MAP3K10: variants seen among roughly 807,000 people sequenced by gnomAD.
MAP3K10 encodes the protein MKN28 derived nonreceptor_type serine/threonine kinase.
In MAP3K10, 22 loss-of-function variants were observed where a neutral mutation model predicts 75.0. The ratio of observed to expected loss-of-function variants is 0.29; its 90% CI spans 0.21 to 0.42. MAP3K10 has a LOEUF of 0.42. Among genes scored for constraint, MAP3K10 ranks in the 10% least tolerant of loss-of-function variants. The pLI, the probability that MAP3K10 is intolerant of heterozygous loss-of-function variation, is 1.00. For missense variants in MAP3K10, 1,165 were observed against 1,379.8 expected, an observed-to-expected ratio of 0.84 and a Z score of 2.47; for synonymous variants, 599 against 612.9, an observed-to-expected ratio of 0.98 and a Z score of 0.34.
At position 40,213,571 on chromosome 19, in the gene MAP3K10, C is replaced by T. The variant is rs1973281373; in HGVS notation, c.1892C>T (p.Ser631Leu). The T allele has an allele frequency of 5.6e-6, 9 of 1,610,348 alleles. 1 individual carries two copies. Among genetic ancestry groups the T allele is most frequent in the South Asian group, 1.1e-5 (1 of 90,902 alleles). ...GGSSVPPSPY[S>L]TPSYLSVPLP... ...AGCAGCGTGCCCCCTTCCCCCTACTCGACCCCGTCCTACCTCTCAGTGCCA... is the reference window on the plus strand; with the variant it reads ...AGCAGCGTGCCCCCTTCCCCCTACTTGACCCCGTCCTACCTCTCAGTGCCA... Residue 631 changes from serine (S) to leucine (L), a missense_variant, in exon 9 of 10, where the codon TCG (serine) becomes TTG (leucine). By Grantham distance (145) the Ser-to-Leu change is moderately radical (BLOSUM62 -2). Coordinates refer to ENST00000253055, the MANE Select transcript of MAP3K10 (RefSeq NM_002446.4). The surrounding 1 kb of genome is among the most constrained non-coding windows in gnomAD (Gnocchi z 5.7).
In MAP3K10 at chr19:40,192,257, G is replaced by T. The variant is rs1972831562; in HGVS notation, c.226G>T (p.Val76Leu). The change falls in exon 1 of 10, where the codon GTG (valine) becomes TTG (leucine). Residue 76 changes from valine to leucine, a missense_variant. By Grantham distance (32) the Val-to-Leu change is conservative. Transcript: ENST00000253055. The surrounding 1 kb of genome is among the most constrained non-coding windows in gnomAD (Gnocchi z 7.1). ...GRVGVFPSNY[V>L]APGAPAAPAG... ...CGTGGGCGTCTTCCCCAGCAACTAC[G>T]TGGCCCCCGGCGCCCCCGCTGCACC... The T allele has an allele frequency of 6.2e-7, 1 of 1,602,494 alleles. No homozygotes were observed. Among genetic ancestry groups the T allele is most frequent in the Non-Finnish European group, 8.5e-7 (1 of 1,176,232 alleles).
chr19:40,194,702 C>T (rs564855367), intron 1 of MAP3K10, among the ~76,000 whole-genome samples: 5 of 152,282 alleles, frequency 3.3e-5, no homozygotes, highest in Non-Finnish European at 5.9e-5. Flanking sequence ...CCCTAAGGAG[C>T]GCCTCATCTG....
At chr19:40,209,824 T>C (rs1257018331) in intron 6 of MAP3K10, among the ~76,000 whole-genome samples, 1 of 152,092 alleles carries the variant, frequency 6.6e-6, no homozygotes, top group Non-Finnish European at 1.5e-5. Flanking sequence ...ACAGCATATG[T>C]TTAGATATAT....
chr19:40,205,905 T>A lies in MAP3K10; in HGVS notation c.1189-6T>A. The A allele has an allele frequency of 6.5e-7, 1 of 1,542,782 alleles. No individual in the cohort carries two copies. Among genetic ancestry groups the A allele is most frequent in the East Asian group, 2.4e-5 (1 of 42,234 alleles). On this transcript the variant is annotated splice_polypyrimidine_tract_variant and splice_region_variant and intron_variant, in intron 4 of 9. Transcript: ENST00000253055. This position sits in a 1 kb window ranked among gnomAD's most constrained non-coding sequence, Gnocchi z 4.3. ...CCTCCCCCCAGCCACCGCCTCTCCTTCCCAGGAGCTTCGGAGCCGTGAGGA... is the reference window on the plus strand; with the variant it reads ...CCTCCCCCCAGCCACCGCCTCTCCTACCCAGGAGCTTCGGAGCCGTGAGGA...
chr19:40,214,588 G>A (rs1000744783), intron 9 of MAP3K10, among the ~76,000 whole-genome samples: 3 of 152,186 alleles, frequency 2.0e-5, no homozygotes, highest in Non-Finnish European at 4.4e-5. Flanking sequence ...CTTGTTTTAA[G>A]TTATGGTTAT....
chr19:40,192,978 G>A lies in MAP3K10; in HGVS notation c.682+265G>A, dbSNP rs757674184. ...TAAACATGTATCCATGAACACCTGC[G>A]TTCCCTGCATGAACAGGACAGATGC... On this transcript the variant is annotated intron_variant, in intron 1 of 9. Coordinates refer to ENST00000253055, the MANE Select transcript of MAP3K10 (RefSeq NM_002446.4). This position sits in a 1 kb window ranked among gnomAD's most constrained non-coding sequence, Gnocchi z 7.1. 1.8e-4 allele frequency among the ~76,000 whole-genome samples: 28 copies of A among 152,164 alleles called. No homozygotes were observed. Among genetic ancestry groups the A allele is most frequent in the Admixed American group, 5.2e-4 (8 of 15,272 alleles).
chr19:40,199,458 T>A (rs997854309), intron 2 of MAP3K10, among the ~76,000 whole-genome samples: 35 of 152,306 alleles, frequency 2.3e-4, no homozygotes, highest in African/African-American at 8.4e-4. Context: ...GAAATGATAC[T>A]TCATCTGAGT....
intron 2 of MAP3K10, among the ~76,000 whole-genome samples, chr19:40,202,682 C>G (rs1973048182): frequency 6.6e-6 from 1 of 152,176 alleles, no homozygotes; most frequent in African/African-American, 2.4e-5. Flanking sequence ...CTCTCACTCT[C>G]CCACGCAGGC....
At position 40,213,313 on chromosome 19, in the gene MAP3K10, ATGG is replaced by A; in HGVS notation, c.1837+129_1837+131del. ...GTGGAAGGCCTTCCTGGGAAGGGAGATGGTGGCCCCTGGGGCGTGGGGGGTCAT... is the reference window on the plus strand; with the variant it reads ...GTGGAAGGCCTTCCTGGGAAGGGAGATGGCCCCTGGGGCGTGGGGGGTCAT... On this transcript the variant is annotated intron_variant, in intron 8 of 9. Coordinates refer to ENST00000253055, the MANE Select transcript of MAP3K10 (RefSeq NM_002446.4). The surrounding 1 kb of genome is among the most constrained non-coding windows in gnomAD (Gnocchi z 5.7). 6.9e-7 allele frequency: 1 copy of A among 1,449,966 alleles called. No individual in the cohort carries two copies. The highest frequency in any genetic ancestry group is 2.7e-5 in the Admixed American group (1 of 37,674). The allele number at this position is 1,449,966 out of a possible 1,614,324, so 89.8% of individuals were successfully genotyped here.
In MAP3K10 at chr19:40,192,062, G is replaced by T; in HGVS notation, c.31G>T (p.Glu11Ter). The T allele has an allele frequency of 6.8e-7, 1 of 1,469,890 alleles. No individual in the cohort carries two copies. 91.1% of individuals were successfully genotyped at this position (1,469,890 alleles called of 1,614,324 possible). Residue 11 changes from glutamate to a stop codon, truncating the protein, a stop_gained, in exon 1 of 10, where the codon GAG (glutamate) becomes TAG (stop). Coordinates refer to ENST00000253055, the MANE Select transcript of MAP3K10 (RefSeq NM_002446.4). LOFTEE classifies it high-confidence loss of function. This position sits in a 1 kb window ranked among gnomAD's most constrained non-coding sequence, Gnocchi z 7.1. MEEEEGAVAKEWGTTPAGPVW... is the reference protein window; with the variant it reads MEEEEGAVAK ...GGAGGAGGAGGGGGCGGTGGCCAAGGAGTGGGGCACGACCCCCGCGGGGCC... is the reference window on the plus strand; with the variant it reads ...GGAGGAGGAGGGGGCGGTGGCCAAGTAGTGGGGCACGACCCCCGCGGGGCC...
chr19:40,208,641 C>A (rs1177707729), intron 5 of MAP3K10, among the ~76,000 whole-genome samples: 4 of 149,460 alleles, frequency 2.7e-5, no homozygotes, highest in Non-Finnish European at 5.9e-5. Flanking sequence ...AGTTCAAGAC[C>A]AGCCTGGTCA....
intron 2 of MAP3K10, among the ~76,000 whole-genome samples, chr19:40,200,086 G>C (rs1246288549): frequency 6.6e-6 from 1 of 152,152 alleles, no homozygotes; most frequent in Non-Finnish European, 1.5e-5. Context: ...CTTGAGGCCA[G>C]GAGTTCATTC....
chr19:40,214,357 C>G, intron 9 of MAP3K10, 136 bp downstream of exon 9: 1 of 1,096,934 alleles, frequency 9.1e-7, no homozygotes, highest in Non-Finnish European at 1.2e-6. Flanking sequence ...GTCTGTGTCC[C>G]TTTACCGCTC....
chr19:40,191,525 C>A lies in MAP3K10; in HGVS notation c.-507C>A, dbSNP rs1003913960. Among the ~76,000 whole-genome samples, 3 of 149,282 alleles carry A rather than the reference C, an allele frequency of 2.0e-5. No individual in the cohort carries two copies. Among genetic ancestry groups the A allele is most frequent in the Non-Finnish European group, 3.0e-5 (2 of 66,996 alleles). On this transcript the variant is annotated 5_prime_UTR_variant, in exon 1 of 10. The change creates a new upstream start codon in the 5' untranslated region. Transcript: ENST00000253055. ...GGTGCCAAGGATGGGGGCCGCCCGG[C>A]TGCCCCGCGCGTGAGGAGGCCGAGG...
rs1240224216 is a variant in MAP3K10 at position 40,198,246 on chromosome 19, C to T, written c.683-129C>T. On this transcript the variant is annotated intron_variant, in intron 1 of 9. Coordinates refer to ENST00000253055, the MANE Select transcript of MAP3K10 (RefSeq NM_002446.4). The surrounding 1 kb of genome is among the most constrained non-coding windows in gnomAD (Gnocchi z 4.3). ...TGGATGTTCCAGGCCAGGAAAGGAC[C>T]TGCCACAGAGCGGGGCAGCCTGAGG... The T allele has an allele frequency of 1.6e-5, 13 of 835,496 alleles. No homozygotes were observed. The highest frequency in any genetic ancestry group is 1.2e-4 in the South Asian group (7 of 57,050). 51.8% of individuals were successfully genotyped at this position (835,496 alleles called of 1,614,324 possible).
In MAP3K10 at chr19:40,214,002, T is replaced by TACCCCCCA; in HGVS notation, c.2323_2324insACCCCCCA (p.Ser775TyrfsTer50). ...TGACGAGGCCGCACCGGCCGCGCCC[T>TACCCCCCA]CCCCACCACCCTCCCCGCCCGCGCC... On this transcript the variant is annotated frameshift_variant, in exon 9 of 10. Coordinates refer to ENST00000253055, the MANE Select transcript of MAP3K10 (RefSeq NM_002446.4). LOFTEE classifies it high-confidence loss of function. 1 of 1,493,670 alleles carries TACCCCCCA rather than the reference T, an allele frequency of 6.7e-7. No homozygotes were observed. Among genetic ancestry groups the TACCCCCCA allele is most frequent in the Admixed American group, 2.1e-5 (1 of 47,034 alleles). The allele number at this position is 1,493,670 out of a possible 1,614,324, so 92.5% of individuals were successfully genotyped here. A position where few individuals can be genotyped will look rare whatever the true frequency, so the allele number is the denominator to read the frequency against.
Position 40,213,122 on chromosome 19 carries a change from C to A in MAP3K10, c.1771C>A (p.Pro591Thr). The A allele has an allele frequency of 6.2e-7, 1 of 1,604,470 alleles. No homozygotes were observed. The highest frequency in any genetic ancestry group is 2.2e-5 in the East Asian group (1 of 44,564). ...EGSKQWSSSA[P>T]NLGKSPKHTP... ...AAGCAAACAGTGGTCATCAAGTGCC[C>A]CCAACCTGGGCAAGTCCCCCAAACA... Residue 591 changes from proline to threonine, a missense_variant, in exon 8 of 10, where the codon CCC becomes ACC. Physicochemically the swap from Pro to Thr is conservative, Grantham distance 38. Coordinates refer to ENST00000253055, the MANE Select transcript of MAP3K10 (RefSeq NM_002446.4). This position sits in a 1 kb window ranked among gnomAD's most constrained non-coding sequence, Gnocchi z 5.7.
chr19:40,210,036 G>A (rs1599913716), intron 6 of MAP3K10, among the ~76,000 whole-genome samples: 1 of 151,990 alleles, frequency 6.6e-6, no homozygotes, highest in African/African-American at 2.4e-5. Context: ...GGGAGGCCGA[G>A]GCAGGCGGAT....
At position 40,204,376 on chromosome 19, in the gene MAP3K10, G is replaced by A. The variant is rs1973076577; in HGVS notation, c.864-109G>A. ...AGTTCTTGTGACCTCATTGGCCGGGGGTGGCTGTTGGGGTGAGGGCAGCCC... is the reference window on the plus strand; with the variant it reads ...AGTTCTTGTGACCTCATTGGCCGGGAGTGGCTGTTGGGGTGAGGGCAGCCC... On this transcript the variant is annotated intron_variant, in intron 2 of 9. Transcript: ENST00000253055. The surrounding 1 kb of genome is among the most constrained non-coding windows in gnomAD (Gnocchi z 4.3). The A allele has an allele frequency of 8.0e-7, 1 of 1,254,730 alleles. No homozygotes were observed. Among genetic ancestry groups the A allele is most frequent in the African/African-American group, 1.5e-5 (1 of 67,064 alleles). The allele number at this position is 1,254,730 out of a possible 1,614,324, so 77.7% of individuals were successfully genotyped here. A position where few individuals can be genotyped will look rare whatever the true frequency, so the allele number is the denominator to read the frequency against.
Sources: allele counts gnomAD v4.1 joint callset (sites outside exome capture counted in the v4.1 genomes callset), GRCh38; gene constraint gnomAD v4.1.1; non-coding constraint Gnocchi (gnomAD v3.1); transcripts MANE v1.5; gene names NCBI Gene and HGNC (gene_info 2026-07-23, HGNC 2026-07-21).